Variants in TET1 observed in about 807,000 individuals in gnomAD.
The protein encoded by TET1 is tet methylcytosine dioxygenase 1.
TET1 carries 13 observed loss-of-function variants against 148.7 expected under a neutral mutation model. The observed-to-expected ratio is 0.09, with a 90% CI of 0.06 to 0.14. The LOEUF (loss-of-function observed/expected upper bound fraction) is 0.14, where lower values mean the gene tolerates loss of function less well. Ranked by LOEUF, TET1 falls within the 10% of genes least tolerant of loss-of-function variation. The pLI is 1.00. For synonymous variants in TET1, 907 were observed against 937.2 expected (o/e 0.97, Z 0.59); for missense variants, 2,182 against 2,553.8 (o/e 0.85, Z 3.14).
At chr10:68,575,024 A>G (rs1182913009) in intron 2 of TET1, among the ~76,000 whole-genome samples, 1 of 152,204 alleles carries the variant, frequency 6.6e-6, no homozygotes, top group Non-Finnish European at 1.5e-5. Flanking sequence ...TGATTTTTAG[A>G]TCACGCATTA....
At chr10:68,595,015 A>G (rs2053961863) in intron 2 of TET1, among the ~76,000 whole-genome samples, 1 of 151,250 alleles carries the variant, frequency 6.6e-6, no homozygotes, top group Admixed American at 6.6e-5. Flanking sequence ...GAAAAAAAAA[A>G]TTAGCTTGTT....
chr10:68,665,622 T>C (rs1401990308), intron 6 of TET1, among the ~76,000 whole-genome samples: 3 of 152,092 alleles, frequency 2.0e-5, no homozygotes, highest in African/African-American at 7.2e-5. Flanking sequence ...GCATTTCCTA[T>C]ACAAAAACTT....
At chr10:68,572,082 C>T in intron 1 of TET1, 135 bp from the exon 2 acceptor site, 2 of 389,152 alleles carry the variant, frequency 5.1e-6, no homozygotes, top group Non-Finnish European at 4.6e-6. Context: ...CATGCCTCTG[C>T]ACTCCAGCCT....
chr10:68,656,331 C>T (rs1194063355), intron 6 of TET1, among the ~76,000 whole-genome samples: 4 of 152,154 alleles, frequency 2.6e-5, no homozygotes, highest in South Asian at 2.1e-4. Flanking sequence ...GGCTCAATCT[C>T]GGCTCACTGC....
intron 3 of TET1, among the ~76,000 whole-genome samples, chr10:68,603,755 A>T (rs2054087730): frequency 6.6e-6 from 1 of 152,156 alleles, no homozygotes; most frequent in South Asian, 2.1e-4. Flanking sequence ...CAGCCTCAGG[A>T]ATAGAATGAG....
intron 3 of TET1, among the ~76,000 whole-genome samples, chr10:68,624,562 T>A (rs748713470): frequency 6.6e-6 from 1 of 152,162 alleles, no homozygotes; most frequent in Non-Finnish European, 1.5e-5. Flanking sequence ...GTGCTGGGAT[T>A]ACAGGCGTGA....
chr10:68,596,871 AATGTTGT>A (rs1431456017), intron 2 of TET1, among the ~76,000 whole-genome samples: 1 of 152,078 alleles, frequency 6.6e-6, no homozygotes, highest in Non-Finnish European at 1.5e-5. Context: ...TGTCAAGTGC[AATGTTGT>A]ATGGCTTCAT....
chr10:68,637,081 C>A (rs2054663796), intron 3 of TET1, among the ~76,000 whole-genome samples: 1 of 151,866 alleles, frequency 6.6e-6, no homozygotes, highest in South Asian at 2.1e-4. Context: ...TCACTGCAAC[C>A]TCCGCCTTCC....
intron 3 of TET1, among the ~76,000 whole-genome samples, chr10:68,642,509 G>A (rs2054772910): frequency 6.6e-6 from 1 of 152,112 alleles, no homozygotes; most frequent in Non-Finnish European, 1.5e-5. Flanking sequence ...ACAGGGCACA[G>A]CATTTCTCTT....
intron 2 of TET1, among the ~76,000 whole-genome samples, chr10:68,578,478 T>C (rs923302693): frequency 2.0e-5 from 3 of 152,098 alleles, no homozygotes; most frequent in Non-Finnish European, 2.9e-5. Flanking sequence ...AGCCTGGTCA[T>C]GAACTCCTGA....
At chr10:68,648,425 A>G (rs890690902) in intron 4 of TET1, among the ~76,000 whole-genome samples, 2 of 152,254 alleles carry the variant, frequency 1.3e-5, no homozygotes, top group Admixed American at 6.5e-5. Context: ...AAAGTTCGTT[A>G]GGCTGCTTGA....
At position 68,573,434 on chromosome 10, in the gene TET1, G is replaced by A; in HGVS notation, c.1096G>A (p.Gly366Arg). The A allele has an allele frequency of 6.2e-7, 1 of 1,614,106 alleles. No individual in the cohort carries two copies. Among genetic ancestry groups the A allele is most frequent in the Non-Finnish European group, 8.5e-7 (1 of 1,180,016 alleles). Residue 366 changes from glycine (G) to arginine (R), a missense_variant, in exon 2 of 12, where the codon GGA (glycine) becomes AGA (arginine). By Grantham distance (125) the Gly-to-Arg change is moderately radical. Coordinates refer to ENST00000373644, the MANE Select transcript of TET1 (RefSeq NM_030625.3). ...AGTTTCTGATACCACCTCTTTCCTA[G>A]GACAGGCCTTTGGTGCTATCCCACA... The part of the protein sequence containing the change: ...QEVSDTTSFL[G>R]QAFGAIPHQW...
intron 6 of TET1, among the ~76,000 whole-genome samples, chr10:68,661,225 G>GTTTTTTTTTTTTTTTTT (rs1564498225): frequency 1.1e-5 from 1 of 94,834 alleles, no homozygotes; most frequent in African/African-American, 3.8e-5. Flanking sequence ...TTTTTTTGTA[G>GTTTTTTTTTTTTTTTTT]TTTTAGTAGA....
intron 8 of TET1, among the ~76,000 whole-genome samples, chr10:68,679,767 A>G (rs2055411701): frequency 6.6e-6 from 1 of 152,034 alleles, no homozygotes; most frequent in African/African-American, 2.4e-5. Flanking sequence ...TTCACCTCCC[A>G]GATTCAATAG....
chr10:68,648,114 C>G (rs1241054258), intron 4 of TET1, among the ~76,000 whole-genome samples: 2 of 152,174 alleles, frequency 1.3e-5, no homozygotes, highest in Non-Finnish European at 2.9e-5. Context: ...GACTCATGGA[C>G]TGATCCCTAA....
intron 4 of TET1, among the ~76,000 whole-genome samples, chr10:68,651,374 C>G (rs1015291840): frequency 6.6e-6 from 1 of 151,928 alleles, no homozygotes; most frequent in African/African-American, 2.4e-5. Context: ...TGGTGTGAAC[C>G]CGGGAGGCGG....
chr10:68,651,706 T>C, intron 4 of TET1, 140 bp from the exon 5 acceptor site: 1 of 525,382 alleles, frequency 1.9e-6, no homozygotes, highest in Non-Finnish European at 3.3e-6. Context: ...GTCCTTGCCT[T>C]TAATTATCAA....
At chr10:68,644,671 G>A (rs2054812029) in intron 3 of TET1, 27 bp from the exon 4 acceptor site, 1 of 1,524,418 alleles carries the variant, frequency 6.6e-7, no homozygotes, top group African/African-American at 1.4e-5. Flanking sequence ...TTAAGTAGAT[G>A]ACATAAGTAA....
intron 3 of TET1, among the ~76,000 whole-genome samples, chr10:68,629,815 C>T (rs1334000989): frequency 6.6e-6 from 1 of 152,012 alleles, no homozygotes; most frequent in African/African-American, 2.4e-5. Flanking sequence ...GGATTACAGG[C>T]GTGAGCCACT....
Sources: allele counts gnomAD v4.1 joint callset (sites outside exome capture counted in the v4.1 genomes callset), GRCh38; gene constraint gnomAD v4.1.1; transcripts MANE v1.5; gene names NCBI Gene and HGNC (gene_info 2026-07-23, HGNC 2026-07-21).